Variants in RBM47 observed in about 807,000 individuals in gnomAD.
RBM47 encodes the protein RNA-binding protein 47.
In RBM47, 21 loss-of-function variants were observed where a neutral mutation model predicts 47.1. That is an observed-to-expected ratio of 0.45 (90% CI 0.32 to 0.64). The LOEUF (loss-of-function observed/expected upper bound fraction) is 0.64. Ranked by LOEUF, RBM47 falls within the 30% of genes least tolerant of loss-of-function variation. The probability of loss-of-function intolerance (pLI) is 0.05; values close to 1 mark genes in which losing one functional copy is unlikely to be tolerated. For missense variants in RBM47, 708 were observed against 870.9 expected (o/e 0.81, Z 2.35); for synonymous variants, 375 against 361.7 (o/e 1.04, Z -0.42).
intron 1 of RBM47, among the ~76,000 whole-genome samples, chr4:40,547,603 C>T (rs1729154159): frequency 1.3e-5 from 2 of 152,244 alleles, no homozygotes; most frequent in African/African-American, 2.4e-5. Flanking sequence ...CCCCTCCCCA[C>T]ATCCCCCAAC....
At chr4:40,566,919 A>T (rs1731160210) in intron 1 of RBM47, among the ~76,000 whole-genome samples, 1 of 151,890 alleles carries the variant, frequency 6.6e-6, no homozygotes. Context: ...AAGTGCTGAG[A>T]TTACAAGCAG....
intron 6 of RBM47, among the ~76,000 whole-genome samples, chr4:40,431,672 A>C (rs1386220053): frequency 1.1e-4 from 1 of 9,096 alleles, no homozygotes; most frequent in Non-Finnish European, 3.1e-4. Flanking sequence ...AAAAAAAAAA[A>C]GAGAGAGAAA....
chr4:40,613,841 A>G (rs1282663086), intron 1 of RBM47, among the ~76,000 whole-genome samples: 1 of 151,696 alleles, frequency 6.6e-6, no homozygotes, highest in African/African-American at 2.4e-5. Flanking sequence ...ACTGTGGAGA[A>G]CAGTCTAGAA....
At chr4:40,573,845 G>GAAAGAAAGAAAGAGAAAGAAAA (rs1338626352) in intron 1 of RBM47, among the ~76,000 whole-genome samples, 1 of 151,742 alleles carries the variant, frequency 6.6e-6, no homozygotes, top group African/African-American at 2.4e-5. Flanking sequence ...GAGAAAGAAA[G>GAAAGAAAGAAAGAGAAAGAAAA]AAAGAAAAAT....
At chr4:40,554,220 G>A (rs532860353) in intron 1 of RBM47, among the ~76,000 whole-genome samples, 8 of 152,094 alleles carry the variant, frequency 5.3e-5, no homozygotes, top group Non-Finnish European at 7.4e-5. Context: ...CTTCCTATCC[G>A]AGAACCATTT....
intron 2 of RBM47, among the ~76,000 whole-genome samples, chr4:40,473,082 C>T (rs16852233): frequency 0.086 from 13,086 of 152,136 alleles, 1,363 homozygotes; most frequent in African/African-American, 0.25. Flanking sequence ...ATGTGGTAGG[C>T]TAGGTGAACT....
intron 1 of RBM47, among the ~76,000 whole-genome samples, chr4:40,557,235 T>G (rs776919668): frequency 2.0e-5 from 3 of 152,152 alleles, no homozygotes; most frequent in Non-Finnish European, 2.9e-5. Flanking sequence ...ATGCCCAAAG[T>G]AGACTGTCCC....
intron 1 of RBM47, among the ~76,000 whole-genome samples, chr4:40,563,481 TCTTAAAACCGCAAAATAC>T (rs1730822057): frequency 6.6e-6 from 1 of 152,228 alleles, no homozygotes; most frequent in Non-Finnish European, 1.5e-5. Flanking sequence ...AATTGTGCCC[TCTTAAAACCGCAAAATAC>T]CTTAGATATC....
intron 2 of RBM47, among the ~76,000 whole-genome samples, chr4:40,491,174 A>G (rs569253490): frequency 3.3e-5 from 5 of 152,310 alleles, no homozygotes; most frequent in Admixed American, 3.3e-4. Flanking sequence ...AACCCAAAAC[A>G]TGTATCTGTG....
chr4:40,448,245 C>T (rs1259248370), intron 3 of RBM47, among the ~76,000 whole-genome samples: 2 of 151,472 alleles, frequency 1.3e-5, no homozygotes, highest in African/African-American at 2.4e-5. Flanking sequence ...TGGTTCACAG[C>T]TCTTGGAGTG....
chr4:40,535,124 CA>C (rs1026179989), intron 2 of RBM47, among the ~76,000 whole-genome samples: 1 of 152,024 alleles, frequency 6.6e-6, no homozygotes, highest in African/African-American at 2.4e-5. Flanking sequence ...TGAGGCTATA[CA>C]AGTAAAACTG....
At chr4:40,482,768 C>G (rs1720594967) in intron 2 of RBM47, among the ~76,000 whole-genome samples, 1 of 152,152 alleles carries the variant, frequency 6.6e-6, no homozygotes, top group Non-Finnish European at 1.5e-5. Context: ...GGAAATTTTT[C>G]AGGAGCTTGA....
intron 2 of RBM47, among the ~76,000 whole-genome samples, chr4:40,502,820 T>C (rs59879222): frequency 0.16 from 23,601 of 151,756 alleles, 1,863 homozygotes; most frequent in East Asian, 0.19. Context: ...TACTCCAGCC[T>C]GGGTTGAGAG....
chr4:40,581,732 GA>G lies in RBM47; in HGVS notation c.-239-37227del, dbSNP rs1259378498. ...ACCAGAGAGCCTTCAGGGTGTGTGT[GA>G]AGAGAGGCTGCAGCCCAGGTGTATG... is the stretch of plus-strand genomic sequence containing the variant. On this transcript the variant is annotated intron_variant, in intron 1 of 6. Coordinates refer to ENST00000295971, the MANE Select transcript of RBM47 (RefSeq NM_001098634.2). Among the ~76,000 whole-genome samples the G allele has an allele frequency of 2.5e-3, 381 of 151,742 alleles. 1 individual carries two copies. Among genetic ancestry groups the G allele is most frequent in the African/African-American group, 8.2e-3 (338 of 41,356 alleles).
chr4:40,464,980 T>C (rs965962852), intron 3 of RBM47, among the ~76,000 whole-genome samples: 1 of 151,452 alleles, frequency 6.6e-6, no homozygotes, highest in African/African-American at 2.4e-5. Context: ...TCTGGTTATA[T>C]TTGGATTGTG....
At chr4:40,499,107 C>A (rs1421580348) in intron 2 of RBM47, among the ~76,000 whole-genome samples, 1 of 152,098 alleles carries the variant, frequency 6.6e-6, no homozygotes, top group African/African-American at 2.4e-5. Context: ...ATAGATGGCA[C>A]AATGTAGCAA....
At chr4:40,468,955 T>C (rs1039158696) in intron 2 of RBM47, among the ~76,000 whole-genome samples, 21 of 152,214 alleles carry the variant, frequency 1.4e-4, no homozygotes, top group African/African-American at 4.6e-4. Context: ...TTGTACACTG[T>C]CTGGACAATA....
intron 2 of RBM47, among the ~76,000 whole-genome samples, chr4:40,539,402 T>A (rs1728275464): frequency 6.6e-6 from 1 of 151,960 alleles, no homozygotes; most frequent in Non-Finnish European, 1.5e-5. Context: ...TGGGTTAGAG[T>A]CTGCCTTTTT....
At chr4:40,619,357 CTT>C (rs1463398866) in intron 1 of RBM47, among the ~76,000 whole-genome samples, 4 of 151,882 alleles carry the variant, frequency 2.6e-5, no homozygotes, top group African/African-American at 9.7e-5. Flanking sequence ...GAGCCCAAGA[CTT>C]TAAGACTGCA....
Sources: gnomAD v4.1 joint callset for allele counts (sites outside exome capture counted in the v4.1 genomes callset) on GRCh38, gnomAD v4.1.1 for gene constraint, MANE v1.5 for transcripts, NCBI Gene and HGNC (gene_info 2026-07-23, HGNC 2026-07-21) for gene names.